Variants in PPA1 observed in about 807,000 individuals in gnomAD.
The protein encoded by PPA1 is inorganic pyrophosphatase.
In PPA1, 23 loss-of-function variants were observed where a neutral mutation model predicts 41.8. The observed-to-expected ratio is 0.55, with a 90% CI of 0.40 to 0.78. PPA1 has a LOEUF of 0.78. Ranked by LOEUF, PPA1 falls within the 30% of genes least tolerant of loss-of-function variation. The pLI is 0.00. For synonymous variants in PPA1, 101 were observed against 116.8 expected, an observed-to-expected ratio of 0.86 and a Z score of 0.87; for missense variants, 320 against 361.6, an observed-to-expected ratio of 0.89 and a Z score of 0.93.
At chr10:70,206,884 GGGGAGGGGAGGGGAGGAGAGGAC>G (rs1839949561) in intron 8 of PPA1, among the ~76,000 whole-genome samples, 57 of 104,984 alleles carry the variant, frequency 5.4e-4, no homozygotes, top group East Asian at 1.8e-3. Context: ...GGGGAGGGGA[GGGGAGGGGAGGGGAGGAGAGGAC>G]GAAAGAAACT....
chr10:70,213,169 T>C (rs1254977456), intron 6 of PPA1, among the ~76,000 whole-genome samples: 1 of 152,170 alleles, frequency 6.6e-6, no homozygotes, highest in Non-Finnish European at 1.5e-5. Context: ...TATGTGAATA[T>C]CTCAATTAAA....
At chr10:70,220,477 TATA>T (rs2136762249) in intron 2 of PPA1, among the ~76,000 whole-genome samples, 1 of 113,384 alleles carries the variant, frequency 8.8e-6, no homozygotes, top group South Asian at 2.3e-4. Context: ...TGCATATATA[TATA>T]ATTTTTATAT....
At chr10:70,209,491 C>T in intron 7 of PPA1, 67 bp downstream of exon 7, 1 of 1,506,900 alleles carries the variant, frequency 6.6e-7, no homozygotes, top group Non-Finnish European at 8.9e-7. Flanking sequence ...TAGATGGTAA[C>T]AATATGGTTA....
intron 2 of PPA1, among the ~76,000 whole-genome samples, chr10:70,229,596 CTG>C (rs145575327): frequency 0.016 from 2,392 of 152,352 alleles, 60 homozygotes; most frequent in African/African-American, 0.055. Context: ...TCTATCTTAA[CTG>C]TGCAAATCTT....
At chr10:70,204,341 T>G (rs1218628245) in intron 10 of PPA1, 14 of 152,302 alleles carry the variant, frequency 9.2e-5, no homozygotes, top group Admixed American at 9.2e-4. Flanking sequence ...TACAATGAGC[T>G]GTGATTGTGC....
Position 70,206,860 on chromosome 10 carries a change from A to G in PPA1, c.726-527T>C, listed in dbSNP as rs111294579. On this transcript the variant is annotated intron_variant, in intron 8 of 10. Coordinates refer to ENST00000373232, the MANE Select transcript of PPA1 (RefSeq NM_021129.4). ...TGCGTTGCAATAAGGAGGAGAGGAGAGGAGAGGAGGGGAGGGGAGGGGAGG... is the reference window on the plus strand; with the variant it reads ...TGCGTTGCAATAAGGAGGAGAGGAGGGGAGAGGAGGGGAGGGGAGGGGAGG... Among the ~76,000 whole-genome samples the G allele has an allele frequency of 6.8e-3, 255 of 37,344 alleles. 2 individuals are homozygous for G. The highest frequency in any genetic ancestry group is 0.017 in the African/African-American group (123 of 7,134). The allele number at this position is 37,344 out of a possible 152,430, so 24.5% of individuals were successfully genotyped here.
intron 2 of PPA1, among the ~76,000 whole-genome samples, chr10:70,227,280 C>T (rs934855618): frequency 1.3e-5 from 2 of 152,182 alleles, no homozygotes; most frequent in African/African-American, 2.4e-5. Context: ...GCAGGGTACG[C>T]GAGTCACAAG....
Position 70,221,644 on chromosome 10 carries a change from T to C in PPA1, c.124-2827A>G, listed in dbSNP as rs536255518. Among the ~76,000 whole-genome samples, 10 of 152,308 alleles carry C rather than the reference T, an allele frequency of 6.6e-5. No individual in the cohort carries two copies. The South Asian group carries it at 1.9e-3, about 28-fold the overall frequency. On this transcript the variant is annotated intron_variant, in intron 2 of 10. Coordinates refer to ENST00000373232, the MANE Select transcript of PPA1 (RefSeq NM_021129.4). Reference sequence around the variant, plus strand: ...CTCAGGTGTAAAAACGAGAGATCTGTAGGTCTGTGAAAAGAACAAGTCAGG... The same window carrying C: ...CTCAGGTGTAAAAACGAGAGATCTGCAGGTCTGTGAAAAGAACAAGTCAGG...
At chr10:70,211,186 A>G (rs1218609840) in intron 6 of PPA1, among the ~76,000 whole-genome samples, 1 of 152,218 alleles carries the variant, frequency 6.6e-6, no homozygotes, top group Admixed American at 6.5e-5. Context: ...AATTTCAAAG[A>G]ACTTATAATT....
At chr10:70,213,796 T>C (rs1362022236) in intron 5 of PPA1, among the ~76,000 whole-genome samples, 3 of 150,732 alleles carry the variant, frequency 2.0e-5, no homozygotes, top group Admixed American at 6.6e-5. Flanking sequence ...GGTCCTATTT[T>C]CTTCTAGGTC....
chr10:70,225,917 T>C (rs1840224826), intron 2 of PPA1, among the ~76,000 whole-genome samples: 1 of 152,196 alleles, frequency 6.6e-6, no homozygotes, highest in Non-Finnish European at 1.5e-5. Context: ...ATACCTGAAG[T>C]ATTTCATCGA....
chr10:70,206,870 G>T (rs1483473918), intron 8 of PPA1, among the ~76,000 whole-genome samples: 1 of 27,790 alleles, frequency 3.6e-5, no homozygotes, highest in Non-Finnish European at 8.0e-5. Context: ...AGGAGAGGAG[G>T]GGAGGGGAGG....
intron 2 of PPA1, among the ~76,000 whole-genome samples, chr10:70,226,023 G>A (rs1012983723): frequency 6.6e-6 from 1 of 152,174 alleles, no homozygotes; most frequent in African/African-American, 2.4e-5. Context: ...TTGTGACTTA[G>A]CAAAGAAAGA....
chr10:70,208,727 A>G (rs1431491686), intron 8 of PPA1, among the ~76,000 whole-genome samples: 3 of 151,568 alleles, frequency 2.0e-5, no homozygotes, highest in Non-Finnish European at 4.4e-5. Flanking sequence ...TTTATAGGAC[A>G]TTATCCTGAC....
intron 8 of PPA1, among the ~76,000 whole-genome samples, chr10:70,209,001 C>G (rs56090559): frequency 0.091 from 13,808 of 152,050 alleles, 851 homozygotes; most frequent in East Asian, 0.22. Flanking sequence ...TCCATGTTGT[C>G]CAGGCTGGTC....
intron 2 of PPA1, among the ~76,000 whole-genome samples, chr10:70,223,909 CA>C (rs761805895): frequency 3.3e-5 from 5 of 152,162 alleles, no homozygotes; most frequent in Non-Finnish European, 5.9e-5. Flanking sequence ...CTCCATCCTC[CA>C]ATCCTACCAT....
intron 4 of PPA1, among the ~76,000 whole-genome samples, chr10:70,215,028 C>G (rs1247569057): frequency 6.6e-6 from 1 of 152,082 alleles, no homozygotes; most frequent in Non-Finnish European, 1.5e-5. Flanking sequence ...AACACTGTAT[C>G]TACTAAAAAT....
intron 4 of PPA1, among the ~76,000 whole-genome samples, chr10:70,216,431 G>A (rs1840082142): frequency 6.6e-6 from 1 of 151,266 alleles, no homozygotes; most frequent in South Asian, 2.1e-4. Context: ...AAGATGCAGT[G>A]AGCCAAGACT....
Position 70,204,911 on chromosome 10 carries a change from G to T in PPA1, c.800C>A (p.Pro267Gln). 6.3e-7 allele frequency: 1 copy of T among 1,588,532 alleles called. No individual in the cohort carries two copies. Among genetic ancestry groups the T allele is most frequent in the Non-Finnish European group, 8.6e-7 (1 of 1,162,990 alleles). ...DAARAIVDAL[P>Q]PPCESACTVP... is the part of the protein sequence containing the mutation. ...TGTGCAGGCAGATTCACAGGGTGGT[G>T]GTAACTAAAATATAAAATATTAAAA... The change falls in exon 10 of 11, where the codon CCA (proline) becomes CAA (glutamine). Residue 267 changes from proline to glutamine, a missense_variant. Physicochemically the swap from Pro to Gln is moderately conservative, Grantham distance 76. Coordinates refer to ENST00000373232, the MANE Select transcript of PPA1 (RefSeq NM_021129.4).
Sources: allele counts gnomAD v4.1 joint callset (sites outside exome capture counted in the v4.1 genomes callset), GRCh38; gene constraint gnomAD v4.1.1; transcripts MANE v1.5; gene names NCBI Gene and HGNC (gene_info 2026-07-23, HGNC 2026-07-21).